The following VPS8 variants were observed in gnomAD, a reference collection of about 807,000 sequenced individuals.
VPS8 encodes the protein vacuolar protein sorting-associated protein 8 homolog.
In VPS8, 129 loss-of-function variants were observed where a neutral mutation model predicts 216.4. The ratio of observed to expected loss-of-function variants is 0.60; its 90% CI spans 0.52 to 0.69. The LOEUF is 0.69. Among genes scored for constraint, VPS8 ranks in the 30% least tolerant of loss-of-function variants. The probability of loss-of-function intolerance (pLI) is 0.00; values close to 1 mark genes in which losing one functional copy is unlikely to be tolerated. For missense variants in VPS8, 1,531 were observed against 1,683.5 expected (o/e 0.91, Z 1.59); for synonymous variants, 571 against 565.4 (o/e 1.01, Z -0.14).
At chr3:185,015,965 A>G (rs997603692) in intron 45 of VPS8, among the ~76,000 whole-genome samples, 2 of 152,222 alleles carry the variant, frequency 1.3e-5, no homozygotes, top group Non-Finnish European at 2.9e-5. Context: ...TAGCAAATCT[A>G]GAGTCTTCTC....
chr3:185,050,959 G>A (rs1173527869), intron 47 of VPS8, among the ~76,000 whole-genome samples: 1 of 152,172 alleles, frequency 6.6e-6, no homozygotes, highest in Non-Finnish European at 1.5e-5. Flanking sequence ...CTTCACATTA[G>A]CTCTGTGGGG....
chr3:184,870,871 A>G (rs1728213625), intron 21 of VPS8, 66 bp downstream of exon 21: 2 of 1,355,376 alleles, frequency 1.5e-6, no homozygotes, highest in African/African-American at 2.9e-5. Context: ...CTTTTATGTT[A>G]CTTGAGAATG....
chr3:184,893,301 G>A, intron 22 of VPS8: 1 of 1,287,444 alleles, frequency 7.8e-7, no homozygotes. Context: ...TGTGGAACTT[G>A]TCATGAAAGA....
chr3:184,954,522 A>G (rs984960867), intron 36 of VPS8, among the ~76,000 whole-genome samples: 5 of 152,202 alleles, frequency 3.3e-5, no homozygotes, highest in Admixed American at 2.6e-4. Flanking sequence ...GTAAGAAGAT[A>G]ACACTTTGGA....
chr3:184,962,839 T>C, intron 37 of VPS8, among the ~76,000 whole-genome samples: 1 of 126,978 alleles, frequency 7.9e-6, no homozygotes, highest in Non-Finnish European at 1.8e-5. Context: ...TTCAGCTTCT[T>C]ACATTTAGGC....
At chr3:185,038,341 C>T (rs1374357172) in intron 46 of VPS8, among the ~76,000 whole-genome samples, 1 of 152,174 alleles carries the variant, frequency 6.6e-6, no homozygotes, top group Non-Finnish European at 1.5e-5. Context: ...TCTATTGTTT[C>T]CACTAACGCC....
chr3:184,954,222 G>C (rs1745195617), intron 36 of VPS8, among the ~76,000 whole-genome samples: 1 of 152,186 alleles, frequency 6.6e-6, no homozygotes, highest in Non-Finnish European at 1.5e-5. Flanking sequence ...TGCTCTCTCA[G>C]TGCACACTGC....
intron 29 of VPS8, among the ~76,000 whole-genome samples, chr3:184,924,040 C>A (rs1270380642): frequency 6.6e-6 from 1 of 152,198 alleles, no homozygotes; most frequent in African/African-American, 2.4e-5. Flanking sequence ...TAGCATCTTA[C>A]ACATAGTGAG....
At chr3:184,957,947 A>G (rs1745897383) in intron 37 of VPS8, among the ~76,000 whole-genome samples, 2 of 152,192 alleles carry the variant, frequency 1.3e-5, no homozygotes, top group African/African-American at 2.4e-5. Flanking sequence ...AGCAAGTGCT[A>G]TCTCCAGTAA....
intron 39 of VPS8, among the ~76,000 whole-genome samples, chr3:184,968,528 C>A (rs1747797193): frequency 6.6e-6 from 1 of 152,198 alleles, no homozygotes; most frequent in South Asian, 2.1e-4. Flanking sequence ...TTCTCCACAT[C>A]CTTTCCGACA....
At chr3:184,927,089 C>G (rs1444858713) in intron 31 of VPS8, among the ~76,000 whole-genome samples, 6 of 152,150 alleles carry the variant, frequency 3.9e-5, no homozygotes, top group Non-Finnish European at 7.3e-5. Context: ...ATTCTGGAGA[C>G]TAGAATCCAC....
intron 36 of VPS8, among the ~76,000 whole-genome samples, chr3:184,952,393 C>T (rs1744854919): frequency 6.6e-6 from 1 of 152,162 alleles, no homozygotes; most frequent in South Asian, 2.1e-4. Context: ...TCTGGAGTTA[C>T]TGTCAGATCC....
chr3:184,853,795 A>C, intron 11 of VPS8, 62 bp from the exon 12 acceptor site: 163 of 1,509,196 alleles, frequency 1.1e-4, no homozygotes, highest in Non-Finnish European at 1.3e-4. Flanking sequence ...TAGTCCAGGT[A>C]GAGATAGTAG....
chr3:184,994,226 G>C (rs1752314113), intron 43 of VPS8, among the ~76,000 whole-genome samples, 163 bp downstream of exon 43: 1 of 152,022 alleles, frequency 6.6e-6, no homozygotes, highest in Non-Finnish European at 1.5e-5. Context: ...CTCTCGCCAG[G>C]CATGGTAACT....
intron 40 of VPS8, among the ~76,000 whole-genome samples, chr3:184,979,634 A>G (rs4686475): frequency 1 from 151,850 of 152,252 alleles, 75,726 homozygotes; most frequent in Middle Eastern, 1. Flanking sequence ...GCTCTTTTTT[A>G]TTTTTTTGTT....
At chr3:184,855,666 T>A in intron 13 of VPS8, 45 bp from the exon 14 acceptor site, 1 of 1,453,234 alleles carries the variant, frequency 6.9e-7, no homozygotes, top group Non-Finnish European at 9.6e-7. Flanking sequence ...TTTGTCCCCT[T>A]GTTTATTAAC....
intron 46 of VPS8, among the ~76,000 whole-genome samples, chr3:185,040,850 TC>T (rs755022003): frequency 1.3e-5 from 2 of 152,138 alleles, no homozygotes; most frequent in Non-Finnish European, 2.9e-5. Context: ...ATCATTTTTT[TC>T]CTCCCAAGGA....
In VPS8 at chr3:184,931,097, G is replaced by A. The variant is rs915709583; in HGVS notation, c.2898+529G>A. Among the ~76,000 whole-genome samples, 6 of 152,248 alleles carry A rather than the reference G, an allele frequency of 3.9e-5. No individual in the cohort carries two copies. In the East Asian group the frequency reaches 1.2e-3, roughly 29 times the overall value. Reference sequence around the variant, plus strand: ...TTCCTATTAAGAAACAATGCTTCTAGATATACAAATAGACTACTTGCGTGA... The same window carrying A: ...TTCCTATTAAGAAACAATGCTTCTAAATATACAAATAGACTACTTGCGTGA... On this transcript the variant is annotated intron_variant, in intron 34 of 47. Transcript: ENST00000625842.
chr3:184,915,232 AAAAT>A, intron 27 of VPS8, 119 bp from the exon 28 acceptor site: 1 of 1,385,090 alleles, frequency 7.2e-7, no homozygotes, highest in Non-Finnish European at 9.8e-7. Context: ...GAGAGAACTT[AAAAT>A]ACAGTAGCAA....
Sources: allele counts gnomAD v4.1 joint callset (sites outside exome capture counted in the v4.1 genomes callset), GRCh38; gene constraint gnomAD v4.1.1; transcripts MANE v1.5; gene names NCBI Gene and HGNC (gene_info 2026-07-23, HGNC 2026-07-21).